Variants in HS6ST3 observed in about 807,000 individuals in gnomAD.
The protein encoded by HS6ST3 is heparan sulfate 6-O-sulfotransferase 3, also known as heparan-sulfate 6-O-sulfotransferase 3.
A neutral mutation model predicts 36.7 loss-of-function variants in HS6ST3; 12 were observed. The ratio of observed to expected loss-of-function variants is 0.33; its 90% CI spans 0.21 to 0.53. HS6ST3 has a LOEUF of 0.53. Ranked by LOEUF, HS6ST3 falls within the 20% of genes least tolerant of loss-of-function variation. HS6ST3 has a pLI of 0.95. For missense variants in HS6ST3, 584 were observed against 640.9 expected (o/e 0.91, Z 0.96); for synonymous variants, 240 against 257.5 (o/e 0.93, Z 0.65).
At chr13:96,491,976 A>C (rs1336366143) in intron 1 of HS6ST3, among the ~76,000 whole-genome samples, 1 of 152,070 alleles carries the variant, frequency 6.6e-6, no homozygotes, top group Non-Finnish European at 1.5e-5. Flanking sequence ...TACCCCACTT[A>C]GTGGTTGTTT....
At position 96,091,291 on chromosome 13, in the gene HS6ST3, A is replaced by G. The variant is rs138242464; in HGVS notation, c.429A>G (p.Lys143=). The part of the protein sequence containing the change: ...DLTRFVDFNI[K]GRDVIVFLHI... ...CCCGCTTCGTGGATTTCAACATCAA[A>G]GGGCGCGACGTGATCGTGTTCCTCC... Residue 143 remains lysine, a synonymous_variant, in exon 1 of 2, where the codon AAA becomes AAG. Transcript: ENST00000376705. The G allele has an allele frequency of 3.4e-3, 5,537 of 1,613,478 alleles. 7 individuals carry two copies. The highest frequency in any genetic ancestry group is 4.3e-3 in the Non-Finnish European group (5,069 of 1,179,834).
intron 1 of HS6ST3, among the ~76,000 whole-genome samples, chr13:96,447,636 C>T (rs1261382049): frequency 6.6e-6 from 1 of 152,078 alleles, no homozygotes; most frequent in Non-Finnish European, 1.5e-5. Flanking sequence ...GTGTGTAGAA[C>T]ATCATGGTGC....
chr13:96,785,560 G>A (rs1190892539), intron 1 of HS6ST3, among the ~76,000 whole-genome samples: 1 of 152,134 alleles, frequency 6.6e-6, no homozygotes, highest in Non-Finnish European at 1.5e-5. Context: ...GCAAAAGATA[G>A]CAGAAACCAA....
chr13:96,594,063 C>G (rs1388110637), intron 1 of HS6ST3, among the ~76,000 whole-genome samples: 1 of 151,932 alleles, frequency 6.6e-6, no homozygotes, highest in Non-Finnish European at 1.5e-5. Context: ...ACCTCCGCCT[C>G]CTGGGTTCAA....
At position 96,443,529 on chromosome 13, in the gene HS6ST3, C is replaced by CAAAA. The variant is rs10676564; in HGVS notation, c.707+351977_707+351980dup. 4.3e-4 allele frequency among the ~76,000 whole-genome samples: 33 copies of CAAAA among 76,228 alleles called. 1 individual carries two copies. Among genetic ancestry groups the CAAAA allele is most frequent in the South Asian group, 8.9e-4 (2 of 2,254 alleles). The allele number at this position is 76,228 out of a possible 152,430, so 50.0% of individuals were successfully genotyped here. On this transcript the variant is annotated intron_variant, in intron 1 of 1. Coordinates refer to ENST00000376705, the MANE Select transcript of HS6ST3 (RefSeq NM_153456.4). ...TGGGGGACAGAGCGAGACTCCGTCTCAAAAAAAAAAAAAAAAAAAAGCAGA... is the reference window on the plus strand; with the variant it reads ...TGGGGGACAGAGCGAGACTCCGTCTCAAAAAAAAAAAAAAAAAAAAAAAAGCAGA...
At chr13:96,542,503 T>C (rs1042455294) in intron 1 of HS6ST3, among the ~76,000 whole-genome samples, 13 of 152,188 alleles carry the variant, frequency 8.5e-5, no homozygotes, top group Admixed American at 6.5e-5. Context: ...AGGGTCCACC[T>C]TTTCTGGCAT....
chr13:96,713,199 G>T (rs945072598), intron 1 of HS6ST3, among the ~76,000 whole-genome samples: 1 of 152,160 alleles, frequency 6.6e-6, no homozygotes, highest in Non-Finnish European at 1.5e-5. Context: ...TTGTAGGACT[G>T]CTAGTTACAG....
At chr13:96,278,357 C>T (rs938078189) in intron 1 of HS6ST3, among the ~76,000 whole-genome samples, 2 of 152,084 alleles carry the variant, frequency 1.3e-5, no homozygotes, top group African/African-American at 4.8e-5. Context: ...GGCAGCACAC[C>T]GGAGTAAGAT....
At chr13:96,345,427 A>G (rs1227817250) in intron 1 of HS6ST3, among the ~76,000 whole-genome samples, 1 of 152,144 alleles carries the variant, frequency 6.6e-6, no homozygotes, top group Non-Finnish European at 1.5e-5. Context: ...GGTATTATTT[A>G]TTAGAACTGT....
intron 1 of HS6ST3, among the ~76,000 whole-genome samples, chr13:96,564,007 A>T (rs574623124): frequency 6.6e-6 from 1 of 152,336 alleles, no homozygotes; most frequent in Non-Finnish European, 1.5e-5. Context: ...GGTATAAATG[A>T]TAATGATACA....
At chr13:96,828,130 G>T (rs530978806) in intron 1 of HS6ST3, among the ~76,000 whole-genome samples, 2 of 152,266 alleles carry the variant, frequency 1.3e-5, no homozygotes, top group African/African-American at 4.8e-5. Flanking sequence ...CATGGAAAAT[G>T]GTGATTGGCA....
At chr13:96,450,563 G>A (rs1359632088) in intron 1 of HS6ST3, among the ~76,000 whole-genome samples, 1 of 152,116 alleles carries the variant, frequency 6.6e-6, no homozygotes, top group African/African-American at 2.4e-5. Context: ...CTGGAGACAG[G>A]CCATCTCTCT....
chr13:96,746,914 T>G (rs1048932966), intron 1 of HS6ST3, among the ~76,000 whole-genome samples: 3 of 152,126 alleles, frequency 2.0e-5, no homozygotes, highest in Admixed American at 6.6e-5. Context: ...TGCCATTGAT[T>G]CTTGCCATGG....
At chr13:96,295,359 GT>G (rs967936500) in intron 1 of HS6ST3, among the ~76,000 whole-genome samples, 1 of 151,704 alleles carries the variant, frequency 6.6e-6, no homozygotes, top group Non-Finnish European at 1.5e-5. Flanking sequence ...GTTTCTTGTT[GT>G]TTTTTTTCCA....
intron 1 of HS6ST3, among the ~76,000 whole-genome samples, chr13:96,160,719 A>G (rs1171833474): frequency 2.0e-5 from 3 of 152,206 alleles, no homozygotes; most frequent in Non-Finnish European, 4.4e-5. Flanking sequence ...GTGGTGTTTA[A>G]GCATTTATTT....
At chr13:96,654,714 T>C (rs1195881357) in intron 1 of HS6ST3, among the ~76,000 whole-genome samples, 1 of 152,124 alleles carries the variant, frequency 6.6e-6, no homozygotes, top group Non-Finnish European at 1.5e-5. Flanking sequence ...AGGATGAATA[T>C]GATGCGATGT....
intron 1 of HS6ST3, among the ~76,000 whole-genome samples, chr13:96,822,569 G>A (rs939362544): frequency 3.3e-5 from 5 of 152,192 alleles, no homozygotes; most frequent in African/African-American, 4.8e-5. Context: ...ATAAGGCAGC[G>A]ACGTGACAAG....
At chr13:96,522,049 T>G (rs1314767750) in intron 1 of HS6ST3, among the ~76,000 whole-genome samples, 1 of 152,248 alleles carries the variant, frequency 6.6e-6, no homozygotes, top group Non-Finnish European at 1.5e-5. Context: ...TGGTATGTTG[T>G]GTCTTTGTTC....
At chr13:96,583,006 A>T (rs150098843) in intron 1 of HS6ST3, among the ~76,000 whole-genome samples, 4 of 151,758 alleles carry the variant, frequency 2.6e-5, no homozygotes, top group Non-Finnish European at 5.9e-5. Flanking sequence ...TTATCTGGCC[A>T]CTCCATGCAT....
Sources: allele counts gnomAD v4.1 joint callset (sites outside exome capture counted in the v4.1 genomes callset), GRCh38; gene constraint gnomAD v4.1.1; transcripts MANE v1.5; gene names NCBI Gene and HGNC (gene_info 2026-07-23, HGNC 2026-07-21).